The following ZNF385D variants were observed in gnomAD, a reference collection of about 807,000 sequenced individuals.
ZNF385D encodes zinc finger protein 385D.
Under a neutral mutation model 35.8 loss-of-function variants are expected in ZNF385D, and 15 were observed. The observed-to-expected ratio is 0.42, with a 90% CI of 0.28 to 0.64. The LOEUF is 0.64. ZNF385D is among the 30% of genes least tolerant of loss of function. ZNF385D has a pLI of 0.23. For missense variants in ZNF385D, 474 were observed against 494.6 expected (o/e 0.96, Z 0.39); for synonymous variants, 212 against 186.8 (o/e 1.13, Z -1.10).
chr3:21,830,697 TTAAA>T (rs1056339926), intron 3 of ZNF385D, among the ~76,000 whole-genome samples: 3 of 152,142 alleles, frequency 2.0e-5, no homozygotes, highest in African/African-American at 7.2e-5. Flanking sequence ...CTGTCAAATG[TTAAA>T]TAAGTGTTCC....
intron 2 of ZNF385D, among the ~76,000 whole-genome samples, chr3:22,338,697 CATT>C: frequency 7.6e-6 from 1 of 131,518 alleles, no homozygotes; most frequent in African/African-American, 3.5e-5. Context: ...ATATTCATCT[CATT>C]TTTTTTTTTT....
chr3:22,008,635 C>T (rs1258626569), intron 3 of ZNF385D, among the ~76,000 whole-genome samples: 1 of 152,234 alleles, frequency 6.6e-6, no homozygotes, highest in East Asian at 1.9e-4. Context: ...GGATTACAGG[C>T]GTGAGCCACC....
chr3:21,809,788 A>T (rs571509660), intron 3 of ZNF385D, among the ~76,000 whole-genome samples: 5 of 152,020 alleles, frequency 3.3e-5, no homozygotes, highest in Admixed American at 1.3e-4. Context: ...ATACTAAAAA[A>T]TGTGCAAGAA....
rs55872870 is a variant in ZNF385D at position 21,681,298 on chromosome 3, T to TAAAAAAAAAAA, written c.23-16281_23-16271dup. Among the ~76,000 whole-genome samples the TAAAAAAAAAAA allele has an allele frequency of 9.3e-5, 6 of 64,470 alleles. 1 individual carries two copies. Among genetic ancestry groups the TAAAAAAAAAAA allele is most frequent in the African/African-American group, 2.8e-4 (5 of 17,838 alleles). 42.3% of individuals were successfully genotyped at this position (64,470 alleles called of 152,430 possible). ...AGCCTATGTGAATATATTCCATCAG[T>TAAAAAAAAAAA]AAAAAAAAAAAAAAAAAAAAAAAAA... On this transcript the variant is annotated intron_variant, in intron 1 of 7. Transcript: ENST00000281523.
At chr3:21,565,072 A>G (rs749759674) in intron 2 of ZNF385D, among the ~76,000 whole-genome samples, 1 of 152,192 alleles carries the variant, frequency 6.6e-6, no homozygotes, top group African/African-American at 2.4e-5. Flanking sequence ...TTCAAAATAG[A>G]CTGGTCAGCT....
chr3:21,730,882 C>T (rs553313002), intron 1 of ZNF385D, among the ~76,000 whole-genome samples: 1 of 152,302 alleles, frequency 6.6e-6, no homozygotes, highest in South Asian at 2.1e-4. Context: ...TGGCTGCACC[C>T]TATTCCAGCA....
intron 2 of ZNF385D, among the ~76,000 whole-genome samples, chr3:21,597,123 G>C (rs1429311087): frequency 6.6e-6 from 1 of 152,042 alleles, no homozygotes; most frequent in African/African-American, 2.4e-5. Context: ...TCTAAATAGG[G>C]TTTGTTTTAA....
intron 3 of ZNF385D, among the ~76,000 whole-genome samples, chr3:21,786,203 G>A (rs1025168210): frequency 1.3e-5 from 2 of 152,090 alleles, no homozygotes; most frequent in Non-Finnish European, 2.9e-5. Flanking sequence ...GATTCCTCAC[G>A]AAGGACTTTA....
intron 4 of ZNF385D, among the ~76,000 whole-genome samples, chr3:21,461,343 G>A (rs1703163633): frequency 6.6e-6 from 1 of 151,958 alleles, no homozygotes. Context: ...GAGGTTAGGA[G>A]TTTGAGACCA....
chr3:21,764,509 G>A (rs193252444), intron 3 of ZNF385D, among the ~76,000 whole-genome samples: 188 of 152,256 alleles, frequency 1.2e-3, no homozygotes, highest in African/African-American at 4.1e-3. Flanking sequence ...AGTTTTCCTT[G>A]CTCAGGTTTG....
At chr3:21,804,562 C>T (rs913043154) in intron 3 of ZNF385D, among the ~76,000 whole-genome samples, 12 of 152,104 alleles carry the variant, frequency 7.9e-5, no homozygotes, top group Admixed American at 4.6e-4. Flanking sequence ...AAAGTTCCTC[C>T]CTCCCCCAGA....
At chr3:21,698,758 C>T (rs1163490976) in intron 1 of ZNF385D, among the ~76,000 whole-genome samples, 1 of 152,038 alleles carries the variant, frequency 6.6e-6, no homozygotes, top group East Asian at 1.9e-4. Context: ...TGTCACTGGT[C>T]ATTAGAGAAA....
chr3:22,281,034 C>G (rs747139649), intron 2 of ZNF385D, among the ~76,000 whole-genome samples: 34 of 151,942 alleles, frequency 2.2e-4, no homozygotes, highest in Non-Finnish European at 4.3e-4. Flanking sequence ...ATCTGATTCT[C>G]AGCTTGGTCA....
chr3:21,511,151 A>AAT, intron 3 of ZNF385D, 128 bp from the exon 4 acceptor site: 1 of 1,124,450 alleles, frequency 8.9e-7, no homozygotes, highest in Non-Finnish European at 1.3e-6. Context: ...CCGTGGCCAG[A>AAT]CAGTGGGGTT....
intron 2 of ZNF385D, among the ~76,000 whole-genome samples, chr3:22,191,689 A>T (rs1189824625): frequency 6.6e-6 from 1 of 152,096 alleles, no homozygotes; most frequent in African/African-American, 2.4e-5. Context: ...CACTAACACA[A>T]TGTGTAGTAC....
At chr3:22,294,977 A>G (rs1702492023) in intron 2 of ZNF385D, among the ~76,000 whole-genome samples, 1 of 152,060 alleles carries the variant, frequency 6.6e-6, no homozygotes, top group African/African-American at 2.4e-5. Flanking sequence ...ATCTCTGTAT[A>G]TCTATTTATA....
intron 2 of ZNF385D, among the ~76,000 whole-genome samples, chr3:22,354,788 G>A (rs974893762): frequency 1.3e-5 from 2 of 152,034 alleles, no homozygotes; most frequent in Admixed American, 6.6e-5. Flanking sequence ...GGTCCTTGGA[G>A]TATAATAGTC....
In ZNF385D at chr3:21,419,947, C is replaced by T. The variant is rs189660709; in HGVS notation, c.*1267G>A. On this transcript the variant is annotated 3_prime_UTR_variant, in exon 8 of 8. Transcript: ENST00000281523. ...AGCCTGATGGTGAATATCAAAGGCT[C>T]TCAGTATTTCACAACTCCACTGGAG... 3.2e-4 allele frequency: 48 copies of T among 152,120 alleles called. 1 individual carries two copies. In the East Asian group the frequency reaches 7.9e-3, roughly 25 times the overall value. The allele number at this position is 152,120 out of a possible 1,614,324, so 9.4% of individuals were successfully genotyped here.
intron 3 of ZNF385D, among the ~76,000 whole-genome samples, chr3:22,161,753 G>A (rs957548981): frequency 5.9e-5 from 9 of 152,102 alleles, no homozygotes; most frequent in African/African-American, 1.7e-4. Flanking sequence ...TAGAGTTGTT[G>A]ATGAAAATTT....
Sources: allele counts gnomAD v4.1 joint callset (sites outside exome capture counted in the v4.1 genomes callset), GRCh38; gene constraint gnomAD v4.1.1; transcripts MANE v1.5; gene names NCBI Gene and HGNC (gene_info 2026-07-23, HGNC 2026-07-21).